The following RNF220 variants were observed in gnomAD, a reference collection of about 807,000 sequenced individuals.
RNF220 encodes ring finger protein 220, also known as E3 ubiquitin-protein ligase RNF220.
RNF220 carries 7 observed loss-of-function variants against 67.1 expected under a neutral mutation model. The observed-to-expected ratio is 0.10, with a 90% CI of 0.06 to 0.20. The LOEUF (loss-of-function observed/expected upper bound fraction) is 0.20, where lower values mean the gene tolerates loss of function less well. Among genes scored for constraint, RNF220 ranks in the 10% least tolerant of loss-of-function variants. The pLI, the probability that RNF220 is intolerant of heterozygous loss-of-function variation, is 1.00. For synonymous variants in RNF220, 270 were observed against 283.2 expected (o/e 0.95, Z 0.47); for missense variants, 565 against 740.3 (o/e 0.76, Z 2.75).
chr1:44,587,810 C>T (rs1304392795), intron 2 of RNF220, among the ~76,000 whole-genome samples: 3 of 152,204 alleles, frequency 2.0e-5, no homozygotes, highest in African/African-American at 7.2e-5. Context: ...TAGACAAATG[C>T]TTGTAAAGCA....
chr1:44,427,138 T>C (rs1649873289), intron 2 of RNF220, among the ~76,000 whole-genome samples: 1 of 151,962 alleles, frequency 6.6e-6, no homozygotes, highest in South Asian at 2.1e-4. Flanking sequence ...ATTGTACAGA[T>C]GAAGAAACTG....
In RNF220 at chr1:44,631,720, G is replaced by A. The variant is rs181687097; in HGVS notation, c.907-623G>A. 670 of 194,522 alleles carry A rather than the reference G, an allele frequency of 3.4e-3. 2 individuals are homozygous for A. Among genetic ancestry groups the A allele is most frequent in the Middle Eastern group, 5.1e-3 (2 of 392 alleles). The allele number at this position is 194,522 out of a possible 1,614,324, so 12.0% of individuals were successfully genotyped here. ...CGCGAGAAAGGCAGGCACAGGAGGC[G>A]GGAGCCGGGGCCGGGCGATGGGGCG... is the stretch of plus-strand genomic sequence containing the variant. On this transcript the variant is annotated intron_variant, in intron 5 of 14. Transcript: ENST00000361799.
At chr1:44,536,620 C>T (rs749818902) in intron 2 of RNF220, among the ~76,000 whole-genome samples, 7 of 152,166 alleles carry the variant, frequency 4.6e-5, no homozygotes, top group Admixed American at 6.5e-5. Context: ...CTTTGCTTCA[C>T]TCTCATGAAA....
chr1:44,556,919 G>T (rs1663139975), intron 2 of RNF220, among the ~76,000 whole-genome samples: 1 of 151,754 alleles, frequency 6.6e-6, no homozygotes, highest in Non-Finnish European at 1.5e-5. Flanking sequence ...ACAGGGAGGG[G>T]AACCCATGGT....
intron 2 of RNF220, among the ~76,000 whole-genome samples, chr1:44,463,166 G>A (rs1348876144): frequency 1.3e-5 from 2 of 151,828 alleles, no homozygotes; most frequent in African/African-American, 4.8e-5. Flanking sequence ...GAGAAACCCC[G>A]TCTCTACTAA....
intron 2 of RNF220, among the ~76,000 whole-genome samples, chr1:44,540,560 G>A (rs72895588): frequency 0.23 from 34,717 of 151,928 alleles, 4,046 homozygotes; most frequent in Middle Eastern, 0.3. Context: ...ACTCCCCCTC[G>A]CCTCTGCCTT....
intron 2 of RNF220, among the ~76,000 whole-genome samples, chr1:44,453,643 CTAGA>C (rs1399274790): frequency 5.9e-4 from 90 of 151,852 alleles, no homozygotes; most frequent in Non-Finnish European, 1.2e-3. Context: ...CCCTGCATTA[CTAGA>C]TAAATTTTAT....
At chr1:44,432,649 A>G (rs1650514484) in intron 2 of RNF220, among the ~76,000 whole-genome samples, 1 of 152,094 alleles carries the variant, frequency 6.6e-6, no homozygotes, top group Non-Finnish European at 1.5e-5. Context: ...TGATTATAGT[A>G]CACTACAACC....
intron 2 of RNF220, among the ~76,000 whole-genome samples, chr1:44,586,021 A>T (rs192696391): frequency 6.6e-6 from 1 of 151,978 alleles, no homozygotes; most frequent in Non-Finnish European, 1.5e-5. Flanking sequence ...CTCCACCCCC[A>T]TTGCCCTGTG....
In RNF220 at chr1:44,411,994, A is replaced by C; in HGVS notation, c.-104A>C. The C allele has an allele frequency of 7.7e-7, 1 of 1,299,000 alleles. No individual in the cohort carries two copies. The highest frequency in any genetic ancestry group is 1.1e-6 in the Non-Finnish European group (1 of 941,226). 80.5% of individuals were successfully genotyped at this position (1,299,000 alleles called of 1,614,324 possible). A position where few individuals can be genotyped will look rare whatever the true frequency, so the allele number is the denominator to read the frequency against. On this transcript the variant is annotated 5_prime_UTR_variant, in exon 2 of 15. An upstream start codon of the reference 5' UTR is lost. Transcript: ENST00000361799. Reference sequence around the variant, plus strand: ...CTGTTTCTACAGGTCTTAGGAGGGAATGATTCCCCAGTAATATTCCCTGCC... The same window carrying C: ...CTGTTTCTACAGGTCTTAGGAGGGACTGATTCCCCAGTAATATTCCCTGCC...
chr1:44,544,939 T>G (rs1661997127), intron 2 of RNF220, among the ~76,000 whole-genome samples: 1 of 152,250 alleles, frequency 6.6e-6, no homozygotes, highest in African/African-American at 2.4e-5. Context: ...GGTGAGAAGA[T>G]GCTGAATGAG....
At chr1:44,556,008 G>C (rs1484044237) in intron 2 of RNF220, among the ~76,000 whole-genome samples, 1 of 149,772 alleles carries the variant, frequency 6.7e-6, no homozygotes, top group Non-Finnish European at 1.5e-5. Flanking sequence ...CTGTCCACAT[G>C]TTTTTCTCCC....
rs1452951350 is a variant in RNF220 at position 44,650,802 on chromosome 1, T to C, written c.*27T>C. The C allele has an allele frequency of 6.2e-7, 1 of 1,607,514 alleles. No homozygotes were observed. The highest frequency in any genetic ancestry group is 8.5e-7 in the Non-Finnish European group (1 of 1,176,150). On this transcript the variant is annotated 3_prime_UTR_variant, in exon 15 of 15. Coordinates refer to ENST00000361799, the MANE Select transcript of RNF220 (RefSeq NM_018150.4). This position sits in a 1 kb window ranked among gnomAD's most constrained non-coding sequence, Gnocchi z 4.3. Reference sequence around the variant, plus strand: ...CTATCTGCCCCAGGCAGGCCTCGCCTCCAGCAGCCCCACCTGCCCCCAGCC... The same window carrying C: ...CTATCTGCCCCAGGCAGGCCTCGCCCCCAGCAGCCCCACCTGCCCCCAGCC...
rs781128630 is a variant in RNF220, at chr1:44,614,124, A to G, written c.626-41A>G. 3 of 1,612,016 alleles carry G rather than the reference A, an allele frequency of 1.9e-6. No homozygotes were observed. The South Asian group carries it at 3.3e-5, about 18-fold the overall frequency. ...GGATGCTGGGTCTGCCTCCTGGACT[A>G]GCCCAGCTTACGCGTCTGTCTGTTC... is the stretch of plus-strand genomic sequence containing the variant. On this transcript the variant is annotated intron_variant, in intron 2 of 14. Transcript: ENST00000361799.
chr1:44,450,932 C>G (rs1451994477), intron 2 of RNF220, among the ~76,000 whole-genome samples: 1 of 152,106 alleles, frequency 6.6e-6, no homozygotes, highest in Non-Finnish European at 1.5e-5. Context: ...GCCTGTAATC[C>G]CAGCACTTTG....
chr1:44,576,948 C>A (rs1164874354), intron 2 of RNF220, among the ~76,000 whole-genome samples: 1 of 152,138 alleles, frequency 6.6e-6, no homozygotes, highest in African/African-American at 2.4e-5. Context: ...AAGACGGAAA[C>A]TGCAGACAAG....
chr1:44,551,079 G>A (rs893269229), intron 2 of RNF220, among the ~76,000 whole-genome samples: 1 of 150,084 alleles, frequency 6.7e-6, no homozygotes, highest in Non-Finnish European at 1.5e-5. Context: ...TTGTAGGTCT[G>A]GAAGTGTCAC....
rs1001872229 is a variant in RNF220, at chr1:44,600,806, A to G, written c.626-13359A>G. Among the ~76,000 whole-genome samples the G allele has an allele frequency of 6.6e-6, 1 of 151,428 alleles. No homozygotes were observed. Among genetic ancestry groups the G allele is most frequent in the Non-Finnish European group, 1.5e-5 (1 of 67,896 alleles). On this transcript the variant is annotated intron_variant, in intron 2 of 14. Transcript: ENST00000361799. The surrounding 1 kb of genome is among the most constrained non-coding windows in gnomAD (Gnocchi z 4.0). ...ATTGCACTCCAGCCTGGGCAACAAG[A>G]GCAAGACTCTGTCTCAAAAAAAAAA...
intron 3 of RNF220, among the ~76,000 whole-genome samples, chr1:44,620,169 A>G (rs1437129036): frequency 2.6e-5 from 4 of 152,250 alleles, no homozygotes; most frequent in Non-Finnish European, 5.9e-5. Context: ...AAAAGCCAGC[A>G]CTGTGGGCTT....
Sources: allele counts gnomAD v4.1 joint callset (sites outside exome capture counted in the v4.1 genomes callset), GRCh38; gene constraint gnomAD v4.1.1; non-coding constraint Gnocchi (gnomAD v3.1); transcripts MANE v1.5; gene names NCBI Gene and HGNC (gene_info 2026-07-23, HGNC 2026-07-21).